CRIM1: variants seen among roughly 807,000 people sequenced by gnomAD.
CRIM1 encodes cysteine rich transmembrane BMP regulator 1.
In CRIM1, 32 loss-of-function variants were observed where a neutral mutation model predicts 116.4. The observed-to-expected ratio is 0.27, with a 90% CI of 0.21 to 0.37. The LOEUF is 0.37. CRIM1 is among the 10% of genes least tolerant of loss of function. The pLI is 1.00. For missense variants in CRIM1, 1,331 were observed against 1,354.8 expected, an observed-to-expected ratio of 0.98 and a Z score of 0.28; for synonymous variants, 590 against 509.2, an observed-to-expected ratio of 1.16 and a Z score of -2.13.
chr2:36,428,262 G>A (rs1198621033), intron 2 of CRIM1, among the ~76,000 whole-genome samples: 1 of 152,200 alleles, frequency 6.6e-6, no homozygotes, highest in South Asian at 2.1e-4. Flanking sequence ...CCTTGGGCAA[G>A]TCATTTGGCT....
In CRIM1 at chr2:36,456,370, T is replaced by C. The variant is rs1399735427; in HGVS notation, c.870-8164T>C. ...ATTCATTGTTCCAAAGCATCTATTT[T>C]CTGAGGCAGTTGGAAATTCCACTCT... On this transcript the variant is annotated intron_variant, in intron 4 of 16. Coordinates refer to ENST00000280527, the MANE Select transcript of CRIM1 (RefSeq NM_016441.3). Among the ~76,000 whole-genome samples, 4 of 152,230 alleles carry C rather than the reference T, an allele frequency of 2.6e-5. No individual in the cohort carries two copies. In the East Asian group the frequency reaches 7.7e-4, roughly 29 times the overall value.
intron 2 of CRIM1, among the ~76,000 whole-genome samples, chr2:36,407,836 TC>T (rs752463734): frequency 3.9e-5 from 6 of 152,348 alleles, no homozygotes; most frequent in Non-Finnish European, 8.8e-5. Context: ...AAACAAATTT[TC>T]CAGTTGACAT....
At chr2:36,378,900 C>A (rs1424929492) in intron 1 of CRIM1, 4 of 143,438 alleles carry the variant, frequency 2.8e-5, no homozygotes, top group African/African-American at 1.1e-4. Flanking sequence ...AGAACATGAA[C>A]CTGCAGTCCT....
rs933161860 is a variant in CRIM1, at chr2:36,409,476, C to T, written c.505+12689C>T. ...AATGATACCCCTTCCTGACTGAGCC[C>T]TGCTCACTTGGGGAGGATTGTCCTG... On this transcript the variant is annotated intron_variant, in intron 2 of 16. Transcript: ENST00000280527. Among the ~76,000 whole-genome samples, 20 of 152,298 alleles carry T rather than the reference C, an allele frequency of 1.3e-4. No homozygotes were observed. The South Asian group carries it at 4.1e-3, about 32-fold the overall frequency.
intron 2 of CRIM1, among the ~76,000 whole-genome samples, chr2:36,403,600 C>T (rs11124516): frequency 0.73 from 110,930 of 151,958 alleles, 41,544 homozygotes; most frequent in East Asian, 0.98. Context: ...TAGGAAGATA[C>T]TAAGGAGGCC....
In CRIM1 at chr2:36,537,365, A is replaced by G. The variant is rs568322542; in HGVS notation, c.2442A>G (p.Pro814=). Residue 814 remains proline, a synonymous_variant, in exon 14 of 17, where the codon CCA becomes CCG. Coordinates refer to ENST00000280527, the MANE Select transcript of CRIM1 (RefSeq NM_016441.3). ...CCPYCIEDTI[P]KKVVCHFSGK... is the part of the protein sequence containing the mutation. ...TCTTTTCACTAGAAGACACAATTCC[A>G]AAGAAGGTGGTGTGCCACTTCAGTG... The G allele has an allele frequency of 6.2e-7, 1 of 1,614,208 alleles. No individual in the cohort carries two copies. Among genetic ancestry groups the G allele is most frequent in the South Asian group, 1.1e-5 (1 of 91,090 alleles).
intron 16 of CRIM1, 66 bp downstream of exon 16, chr2:36,547,237 T>C: frequency 7.5e-7 from 1 of 1,334,432 alleles, no homozygotes; most frequent in Non-Finnish European, 1.1e-6. Flanking sequence ...CATATTGAAA[T>C]TGCTTGAAAC....
chr2:36,428,302 T>A (rs1290638501), intron 2 of CRIM1, among the ~76,000 whole-genome samples: 1 of 152,250 alleles, frequency 6.6e-6, no homozygotes, highest in Non-Finnish European at 1.5e-5. Flanking sequence ...TTTACTCATA[T>A]CTACGAATTT....
intron 2 of CRIM1, among the ~76,000 whole-genome samples, chr2:36,420,945 C>T (rs1032353669): frequency 6.6e-6 from 1 of 152,156 alleles, no homozygotes; most frequent in African/African-American, 2.4e-5. Flanking sequence ...CCTGTTTTGC[C>T]TCATTCCACA....
intron 8 of CRIM1, among the ~76,000 whole-genome samples, chr2:36,501,828 C>T (rs1681022817): frequency 6.6e-6 from 1 of 152,146 alleles, no homozygotes; most frequent in Non-Finnish European, 1.5e-5. Flanking sequence ...ACTTCCTACA[C>T]TTGATTCTGT....
intron 2 of CRIM1, among the ~76,000 whole-genome samples, chr2:36,408,767 C>T (rs1009370894): frequency 6.6e-6 from 1 of 151,130 alleles, no homozygotes; most frequent in Non-Finnish European, 1.5e-5. Flanking sequence ...CCAAGCTGGA[C>T]AGTTTATATC....
intron 2 of CRIM1, among the ~76,000 whole-genome samples, chr2:36,402,444 G>C (rs113409484): frequency 1.5e-3 from 231 of 151,826 alleles, no homozygotes; most frequent in African/African-American, 3.9e-3. Context: ...GACCAGAATG[G>C]GGGGGAGGGA....
At chr2:36,432,804 T>C (rs1051890550) in intron 2 of CRIM1, among the ~76,000 whole-genome samples, 1 of 147,200 alleles carries the variant, frequency 6.8e-6, no homozygotes, top group Non-Finnish European at 1.5e-5. Context: ...AAAAAATATA[T>C]ACCGATACCA....
At chr2:36,363,368 T>G (rs1352569617) in intron 1 of CRIM1, among the ~76,000 whole-genome samples, 1 of 152,118 alleles carries the variant, frequency 6.6e-6, no homozygotes. Flanking sequence ...GGAACATGCT[T>G]ACTAACAAGG....
At chr2:36,445,145 G>C (rs1452512783) in intron 4 of CRIM1, among the ~76,000 whole-genome samples, 1 of 152,190 alleles carries the variant, frequency 6.6e-6, no homozygotes, top group African/African-American at 2.4e-5. Context: ...TCTTAGCCAA[G>C]ATGATTTATA....
intron 7 of CRIM1, among the ~76,000 whole-genome samples, chr2:36,488,314 G>A (rs1679983010): frequency 6.6e-6 from 1 of 152,208 alleles, no homozygotes; most frequent in Admixed American, 6.5e-5. Flanking sequence ...TTGCGCATGT[G>A]TGGGTCTCCC....
chr2:36,535,072 TGGAGAGAGGAAGGAAAGAAGGAATGAA>T (rs1233824374), intron 13 of CRIM1, among the ~76,000 whole-genome samples: 1 of 136,008 alleles, frequency 7.4e-6, no homozygotes. Flanking sequence ...CTCATGTGTA[TGGAGAGAGGAAGGAAAGAAGGAATGAA>T]GGAGAGAGGG....
At chr2:36,504,461 T>G (rs1681241493) in intron 8 of CRIM1, among the ~76,000 whole-genome samples, 1 of 152,132 alleles carries the variant, frequency 6.6e-6, no homozygotes. Flanking sequence ...GCTTCAAAAG[T>G]ATGTGGCAAG....
intron 1 of CRIM1, among the ~76,000 whole-genome samples, chr2:36,365,742 T>TTG (rs1478891289): frequency 2.0e-5 from 3 of 151,356 alleles, no homozygotes; most frequent in Admixed American, 6.6e-5. Flanking sequence ...TTGTGTTTTT[T>TTG]TTTTTTTTTT....
Sources: gnomAD v4.1 joint callset for allele counts (sites outside exome capture counted in the v4.1 genomes callset) on GRCh38, gnomAD v4.1.1 for gene constraint, MANE v1.5 for transcripts, NCBI Gene and HGNC (gene_info 2026-07-23, HGNC 2026-07-21) for gene names.